The following PFKFB1 variants were observed in gnomAD, a reference collection of about 807,000 sequenced individuals.
The protein encoded by PFKFB1 is 6-phosphofructo-2-kinase/fructose-2,6-biphosphatase 1.
A neutral mutation model predicts 46.4 loss-of-function variants in PFKFB1; 34 were observed. That is an observed-to-expected ratio of 0.73 (90% confidence interval 0.56 to 0.98). The LOEUF (loss-of-function observed/expected upper bound fraction) is 0.98. Ranked by LOEUF, PFKFB1 falls within the 50% of genes least tolerant of loss-of-function variation. The pLI is 0.00. For missense variants in PFKFB1, 393 were observed against 376.3 expected, an observed-to-expected ratio of 1.04 and a Z score of -0.37; for synonymous variants, 119 against 133.8, an observed-to-expected ratio of 0.89 and a Z score of 0.76.
rs1353715672 is a variant in PFKFB1 at position 54,934,136 on chromosome X, T to C, written c.1292-251A>G. On this transcript the variant is annotated intron_variant, in intron 12 of 13. Coordinates refer to ENST00000375006, the MANE Select transcript of PFKFB1 (RefSeq NM_002625.4). ...CAGTCTTAGTTCGCTGAGCTTCAGG[T>C]GCTCATTTGTAAATGGGGATGGAGA... 2.7e-5 allele frequency among the ~76,000 whole-genome samples: 3 copies of C among 111,988 alleles called. No individual in the cohort carries two copies. In the East Asian group the frequency reaches 8.4e-4, roughly 31 times the overall value.
intron 10 of PFKFB1, among the ~76,000 whole-genome samples, chrX:54,943,840 T>C (rs771587664): frequency 5.5e-5 from 6 of 109,848 alleles, no homozygotes; most frequent in Non-Finnish European, 9.6e-5. Context: ...AGAGGGAAGA[T>C]TTGAGGTGCA....
chrX:54,937,769 C>T (rs766716188), intron 10 of PFKFB1, 45 bp from the exon 11 acceptor site: 1 of 1,149,304 alleles, frequency 8.7e-7, no homozygotes, highest in South Asian at 1.9e-5. Flanking sequence ...AGATGAGGCA[C>T]ATTTGCCCAG....
chrX:54,998,255 T>C (rs1935384560), upstream of PFKFB1: 1 of 478,867 alleles, frequency 2.1e-6, no homozygotes, highest in Non-Finnish European at 3.6e-6. Context: ...ATAAATAGGT[T>C]ACATATAGAT....
chrX:54,948,275 C>T (rs1438287980), intron 9 of PFKFB1, among the ~76,000 whole-genome samples: 1 of 111,742 alleles, frequency 8.9e-6, no homozygotes. Context: ...ATCTCCGATG[C>T]CACTACTCTG....
chrX:54,945,644 C>T (rs1236010436), intron 9 of PFKFB1, 101 bp from the exon 10 acceptor site: 2 of 540,921 alleles, frequency 3.7e-6, no homozygotes, highest in African/African-American at 4.6e-5. Context: ...CACATGAGCA[C>T]CTGGGTCTCT....
At chrX:54,960,423 T>A (rs766154379) in intron 3 of PFKFB1, among the ~76,000 whole-genome samples, 77 of 112,563 alleles carry the variant, frequency 6.8e-4, no homozygotes, top group Non-Finnish European at 1.2e-3. Context: ...GACCTTGAGG[T>A]TGAACTGATG....
intron 1 of PFKFB1, among the ~76,000 whole-genome samples, chrX:54,980,733 A>G (rs1934962939): frequency 9.1e-6 from 1 of 109,304 alleles, no homozygotes; most frequent in East Asian, 2.9e-4. Context: ...ACACACACAC[A>G]CACACACACA....
chrX:54,984,657 T>C (rs1935072310), intron 1 of PFKFB1, among the ~76,000 whole-genome samples: 1 of 111,765 alleles, frequency 8.9e-6, no homozygotes, highest in African/African-American at 3.2e-5. Context: ...AAGCTCCACT[T>C]AAGGTGTGTA....
At chrX:54,993,864 A>G in intron 1 of PFKFB1, 47 bp downstream of exon 1, 1 of 1,169,370 alleles carries the variant, frequency 8.6e-7, no homozygotes, top group Non-Finnish European at 1.1e-6. Context: ...TTCTACACCC[A>G]CTCTACCACC....
At chrX:54,970,237 T>G (rs1297844668) in intron 1 of PFKFB1, among the ~76,000 whole-genome samples, 1 of 111,698 alleles carries the variant, frequency 9.0e-6, no homozygotes, top group Non-Finnish European at 1.9e-5. Context: ...ACCTTTCTAG[T>G]ACCAATAAGC....
upstream of PFKFB1, chrX:54,994,518 T>C (rs1267711053): frequency 1.3e-6 from 1 of 752,770 alleles, no homozygotes; most frequent in Non-Finnish European, 1.6e-6. Context: ...AAGTAGAATG[T>C]CAAGCTCCAA....
chrX:54,956,103 C>T, intron 7 of PFKFB1, 50 bp downstream of exon 7: 1 of 918,250 alleles, frequency 1.1e-6, no homozygotes. Context: ...TACAGGATAT[C>T]AAAACTGGGT....
intron 9 of PFKFB1, among the ~76,000 whole-genome samples, chrX:54,947,607 A>G (rs1157400321): frequency 3.6e-5 from 4 of 112,340 alleles, no homozygotes; most frequent in African/African-American, 1.3e-4. Flanking sequence ...ATGAATGTAC[A>G]CACACATATA....
At chrX:54,963,515 T>C in intron 1 of PFKFB1, 133 bp from the exon 2 acceptor site, 2 of 634,794 alleles carry the variant, frequency 3.2e-6, no homozygotes, top group African/African-American at 2.2e-5. Flanking sequence ...AAAGTGAAAA[T>C]TAAGAACTTC....
intron 6 of PFKFB1, among the ~76,000 whole-genome samples, chrX:54,957,431 C>T (rs773601322): frequency 7.2e-5 from 8 of 110,563 alleles, no homozygotes; most frequent in Admixed American, 3.9e-4. Flanking sequence ...CTAGACTGTG[C>T]GCTCAAGGGA....
chrX:54,973,245 G>C (rs1211772967), intron 1 of PFKFB1, among the ~76,000 whole-genome samples: 4 of 110,574 alleles, frequency 3.6e-5, no homozygotes, highest in African/African-American at 9.9e-5. Flanking sequence ...CTCTTTATTA[G>C]TCTTGCTAGC....
At chrX:54,954,368 C>G (rs1343820601) in intron 7 of PFKFB1, among the ~76,000 whole-genome samples, 2 of 110,639 alleles carry the variant, frequency 1.8e-5, no homozygotes, top group African/African-American at 6.6e-5. Flanking sequence ...CAAAAATTAG[C>G]CAGGCACGGT....
chrX:54,940,930 C>T (rs1933604518), intron 10 of PFKFB1, among the ~76,000 whole-genome samples: 1 of 111,549 alleles, frequency 9.0e-6, no homozygotes, highest in African/African-American at 3.3e-5. Flanking sequence ...GCCCGCATCG[C>T]CAAGTCAATC....
chrX:54,955,944 A>G (rs1412050833), intron 7 of PFKFB1, among the ~76,000 whole-genome samples: 1 of 112,194 alleles, frequency 8.9e-6, no homozygotes, highest in Admixed American at 9.4e-5. Flanking sequence ...TTGCTCAGGA[A>G]AGCACTATTT....
Sources: gnomAD v4.1 joint callset for allele counts (sites outside exome capture counted in the v4.1 genomes callset) on GRCh38, gnomAD v4.1.1 for gene constraint, MANE v1.5 for transcripts, NCBI Gene and HGNC (gene_info 2026-07-23, HGNC 2026-07-21) for gene names.